The following NYAP2 variants were observed in gnomAD, a reference collection of about 807,000 sequenced individuals.
NYAP2 encodes the protein neuronal tyrosine-phosphorylated phosphoinositide-3-kinase adapter 2.
Under a neutral mutation model 50.4 loss-of-function variants are expected in NYAP2, and 23 were observed. The observed-to-expected ratio is 0.46, with a 90% CI of 0.33 to 0.65. The LOEUF (loss-of-function observed/expected upper bound fraction) is 0.65. Among genes scored for constraint, NYAP2 ranks in the 30% least tolerant of loss-of-function variants. The pLI, the probability that NYAP2 is intolerant of heterozygous loss-of-function variation, is 0.02. For synonymous variants in NYAP2, 394 were observed against 365.2 expected, an observed-to-expected ratio of 1.08 and a Z score of -0.90; for missense variants, 885 against 861.0, an observed-to-expected ratio of 1.03 and a Z score of -0.35.
At chr2:225,670,199 G>C in the NYAP2 span, among the ~76,000 whole-genome samples, 4 of 152,068 alleles carry the variant, frequency 2.6e-5, no homozygotes, top group Non-Finnish European at 5.9e-5. Flanking sequence ...AGATGCCAAG[G>C]AATAAAAAGG....
intron 5 of NYAP2, among the ~76,000 whole-genome samples, chr2:225,603,739 C>A (rs1182305016): frequency 2.0e-5 from 3 of 152,198 alleles, no homozygotes; most frequent in African/African-American, 7.2e-5. Context: ...TGGTGACACT[C>A]AGAAGATAGT....
At chr2:225,664,852 G>A in the NYAP2 span, among the ~76,000 whole-genome samples, 9 of 152,200 alleles carry the variant, frequency 5.9e-5, no homozygotes, top group Non-Finnish European at 8.8e-5. Flanking sequence ...CAGCCTGGGC[G>A]ACAGAGCGAG....
intron 3 of NYAP2, among the ~76,000 whole-genome samples, chr2:225,507,662 T>C (rs910959781): frequency 6.6e-6 from 1 of 152,258 alleles, no homozygotes; most frequent in Non-Finnish European, 1.5e-5. Context: ...CCATATGGCA[T>C]GCTTTACAGG....
the NYAP2 span, among the ~76,000 whole-genome samples, chr2:225,687,670 TAG>T: frequency 6.6e-6 from 1 of 152,214 alleles, no homozygotes; most frequent in Admixed American, 6.5e-5. Context: ...TAAATATGCA[TAG>T]AGATACATGG....
chr2:225,454,573 T>C (rs1281901203), intron 3 of NYAP2, among the ~76,000 whole-genome samples: 1 of 152,174 alleles, frequency 6.6e-6, no homozygotes, highest in African/African-American at 2.4e-5. Context: ...GGGATCAGGC[T>C]GCACAGCAGG....
intron 3 of NYAP2, among the ~76,000 whole-genome samples, chr2:225,479,907 C>A (rs1690177680): frequency 6.6e-6 from 1 of 152,018 alleles, no homozygotes; most frequent in South Asian, 2.1e-4. Flanking sequence ...TAGTATTGCA[C>A]CTCCATATTC....
chr2:225,569,314 G>T (rs1692023344), intron 4 of NYAP2, among the ~76,000 whole-genome samples: 1 of 152,212 alleles, frequency 6.6e-6, no homozygotes, highest in African/African-American at 2.4e-5. Flanking sequence ...AAAACTCAGG[G>T]AAGGTACCAG....
chr2:225,556,682 TAC>T (rs1228407179), intron 4 of NYAP2, among the ~76,000 whole-genome samples: 2 of 152,178 alleles, frequency 1.3e-5, no homozygotes, highest in Non-Finnish European at 2.9e-5. Context: ...CAATAGTTTG[TAC>T]AGTCTCTGGT....
At chr2:225,462,185 T>A (rs1343294733) in intron 3 of NYAP2, among the ~76,000 whole-genome samples, 1 of 152,248 alleles carries the variant, frequency 6.6e-6, no homozygotes, top group East Asian at 1.9e-4. Context: ...TTGGATTTGC[T>A]ATTCTAAATA....
At chr2:225,608,843 G>A (rs1692832533) in intron 5 of NYAP2, among the ~76,000 whole-genome samples, 1 of 152,084 alleles carries the variant, frequency 6.6e-6, no homozygotes, top group South Asian at 2.1e-4. Context: ...AGGGAGGATG[G>A]TAGCATAGAT....
At chr2:225,678,031 GT>G in the NYAP2 span, among the ~76,000 whole-genome samples, 6 of 152,004 alleles carry the variant, frequency 3.9e-5, no homozygotes, top group Non-Finnish European at 7.4e-5. Flanking sequence ...CTACCTATGA[GT>G]CCATCTGGTC....
the NYAP2 span, among the ~76,000 whole-genome samples, chr2:225,671,679 T>A: frequency 6.6e-6 from 1 of 152,154 alleles, no homozygotes; most frequent in African/African-American, 2.4e-5. Flanking sequence ...AGTTACTTTT[T>A]TTTACCAAAT....
chr2:225,579,028 ACGTGCACGCACACACACGCG>A (rs1172863441), intron 4 of NYAP2, among the ~76,000 whole-genome samples: 1 of 152,004 alleles, frequency 6.6e-6, no homozygotes, highest in East Asian at 1.9e-4. Context: ...TACGGCATGC[ACGTGCACGCACACACACGCG>A]CGTGCACACA....
chr2:225,465,043 A>T (rs1343102357), intron 3 of NYAP2, among the ~76,000 whole-genome samples: 1 of 152,202 alleles, frequency 6.6e-6, no homozygotes, highest in Non-Finnish European at 1.5e-5. Flanking sequence ...CAAACTTAGG[A>T]ATCTAATACT....
chr2:225,420,178 T>C (rs959473988), intron 3 of NYAP2, among the ~76,000 whole-genome samples: 5 of 152,148 alleles, frequency 3.3e-5, no homozygotes, highest in African/African-American at 7.2e-5. Context: ...GAATAGTAAA[T>C]AAGCTGGCAT....
downstream of NYAP2, among the ~76,000 whole-genome samples, chr2:225,656,074 G>T (rs776166211): frequency 6.6e-6 from 1 of 152,076 alleles, no homozygotes; most frequent in Non-Finnish European, 1.5e-5. Flanking sequence ...CTTCTTCGGA[G>T]GCTTGTTTAT....
chr2:225,408,708 T>A (rs1694979610), intron 2 of NYAP2, among the ~76,000 whole-genome samples, 156 bp from the exon 3 acceptor site: 1 of 152,096 alleles, frequency 6.6e-6, no homozygotes, highest in African/African-American at 2.4e-5. Context: ...ATTTAATATT[T>A]ACTTCAAATA....
chr2:225,541,197 G>C (rs1559209438), intron 4 of NYAP2, among the ~76,000 whole-genome samples: 1 of 152,100 alleles, frequency 6.6e-6, no homozygotes, highest in African/African-American at 2.4e-5. Context: ...TAAATCCCTT[G>C]TTAGGTGGAT....
the NYAP2 span, among the ~76,000 whole-genome samples, chr2:225,676,223 A>C: frequency 0.95 from 144,729 of 152,000 alleles, 69,007 homozygotes; most frequent in African/African-American, 0.99. Flanking sequence ...AAATTCTTTC[A>C]CAAAACCTAG....
Sources: gnomAD v4.1 joint callset for allele counts (sites outside exome capture counted in the v4.1 genomes callset) on GRCh38, gnomAD v4.1.1 for gene constraint, MANE v1.5 for transcripts, NCBI Gene and HGNC (gene_info 2026-07-23, HGNC 2026-07-21) for gene names.